The following CAB39L variants were observed in gnomAD, a reference collection of about 807,000 sequenced individuals.
CAB39L encodes calcium binding protein 39 like, also known as calcium-binding protein 39-like.
A neutral mutation model predicts 39.1 loss-of-function variants in CAB39L; 23 were observed. The ratio of observed to expected loss-of-function variants is 0.59; its 90% CI spans 0.42 to 0.83. The LOEUF (loss-of-function observed/expected upper bound fraction) is 0.83, where lower values mean the gene tolerates loss of function less well. Ranked by LOEUF, CAB39L falls within the 40% of genes least tolerant of loss-of-function variation. The probability of loss-of-function intolerance (pLI) is 0.00; values close to 1 mark genes in which losing one functional copy is unlikely to be tolerated. For synonymous variants in CAB39L, 126 were observed against 137.2 expected, an observed-to-expected ratio of 0.92 and a Z score of 0.57; for missense variants, 366 against 391.9, an observed-to-expected ratio of 0.93 and a Z score of 0.56.
chr13:49,409,289 T>C (rs1257117910), intron 3 of CAB39L, among the ~76,000 whole-genome samples: 2 of 152,018 alleles, frequency 1.3e-5, no homozygotes, highest in African/African-American at 4.8e-5. Context: ...GTATGGGAGA[T>C]TGGAGACTTA....
At chr13:49,443,200 A>G (rs754198720) in intron 1 of CAB39L, among the ~76,000 whole-genome samples, 6 of 152,032 alleles carry the variant, frequency 3.9e-5, no homozygotes, top group Non-Finnish European at 7.4e-5. Context: ...CTCCTGCTCC[A>G]TGAAGTGACC....
intron 3 of CAB39L, among the ~76,000 whole-genome samples, chr13:49,400,153 G>A (rs147813039): frequency 6.6e-6 from 1 of 152,142 alleles, no homozygotes; most frequent in Non-Finnish European, 1.5e-5. Flanking sequence ...GGATTCACTT[G>A]AATCAATAAC....
chr13:49,362,172 A>C (rs1189221034), intron 5 of CAB39L, among the ~76,000 whole-genome samples: 2 of 152,178 alleles, frequency 1.3e-5, no homozygotes, highest in Non-Finnish European at 1.5e-5. Flanking sequence ...CCTAGATCTC[A>C]CTGTCCTGTC....
intron 5 of CAB39L, among the ~76,000 whole-genome samples, chr13:49,372,968 G>A (rs1013475410): frequency 6.6e-6 from 1 of 152,122 alleles, no homozygotes; most frequent in Non-Finnish European, 1.5e-5. Flanking sequence ...CCACTGCGCC[G>A]GCCTCAACAT....
intron 6 of CAB39L, among the ~76,000 whole-genome samples, chr13:49,352,002 G>T (rs2138472348): frequency 6.6e-6 from 1 of 152,190 alleles, no homozygotes; most frequent in Admixed American, 6.5e-5. Context: ...AAGTAGAAAG[G>T]TCTCCTTGGC....
chr13:49,443,928 T>C, intron 1 of CAB39L, 58 bp downstream of exon 1: 1 of 456,720 alleles, frequency 2.2e-6, no homozygotes, highest in South Asian at 1.5e-5. Flanking sequence ...CTATGTATGT[T>C]TTCAACCCCC....
At chr13:49,427,647 T>A (rs944872986) in intron 3 of CAB39L, among the ~76,000 whole-genome samples, 1 of 152,042 alleles carries the variant, frequency 6.6e-6, no homozygotes, top group African/African-American at 2.4e-5. Context: ...TGTGATAGCA[T>A]CACTGCACTC....
intron 3 of CAB39L, among the ~76,000 whole-genome samples, chr13:49,385,995 C>A (rs1956350637): frequency 6.6e-6 from 1 of 152,100 alleles, no homozygotes; most frequent in South Asian, 2.1e-4. Context: ...CATAAACCTT[C>A]AATTTTTCAA....
At chr13:49,442,916 G>C (rs1957565463) in intron 1 of CAB39L, among the ~76,000 whole-genome samples, 1 of 150,222 alleles carries the variant, frequency 6.7e-6, no homozygotes, top group Non-Finnish European at 1.5e-5. Flanking sequence ...AGTTAATCTT[G>C]AATAACTGAA....
intron 3 of CAB39L, among the ~76,000 whole-genome samples, chr13:49,385,324 G>A (rs1956334789): frequency 6.6e-6 from 1 of 152,184 alleles, no homozygotes; most frequent in Non-Finnish European, 1.5e-5. Context: ...TCACAGAACT[G>A]AAGAAAGCTG....
intron 6 of CAB39L, among the ~76,000 whole-genome samples, chr13:49,355,764 AAT>A (rs111906102): frequency 3.6e-4 from 54 of 150,832 alleles, no homozygotes; most frequent in African/African-American, 1.3e-3. Flanking sequence ...TACATATATA[AAT>A]ATATATATAT....
At chr13:49,432,638 T>C (rs2138735743) in intron 3 of CAB39L, among the ~76,000 whole-genome samples, 1 of 152,344 alleles carries the variant, frequency 6.6e-6, no homozygotes, top group South Asian at 2.1e-4. Flanking sequence ...GCATTGATCG[T>C]ACATTCCTCC....
At chr13:49,320,452 T>C (rs143410121) in intron 10 of CAB39L, among the ~76,000 whole-genome samples, 1 of 152,340 alleles carries the variant, frequency 6.6e-6, no homozygotes, top group African/African-American at 2.4e-5. Flanking sequence ...ACAACTCAAA[T>C]ATTTTTAGTT....
intron 5 of CAB39L, among the ~76,000 whole-genome samples, chr13:49,375,490 G>GT (rs1956031313): frequency 6.6e-6 from 1 of 152,100 alleles, no homozygotes; most frequent in Non-Finnish European, 1.5e-5. Flanking sequence ...GAGAGGGAGA[G>GT]TAAGCAAGCC....
At position 49,310,991 on chromosome 13, in the gene CAB39L, C is replaced by T; in HGVS notation, c.837G>A (p.Val279=). The T allele has an allele frequency of 6.2e-7, 1 of 1,612,364 alleles. No individual in the cohort carries two copies. The highest frequency in any genetic ancestry group is 8.5e-7 in the Non-Finnish European group (1 of 1,178,974). Residue 279 remains valine, a splice_region_variant and synonymous_variant, in exon 11 of 11, where the codon GTG becomes GTA. Transcript: ENST00000409308. The stretch of plus-strand genomic sequence containing the variant: ...GTGTTTTGTGAGGACTGGCCACAAA[C>T]ACCTGAAACAAAAAGAAACAAATAC... ...IQFEAFHVFK[V]FVASPHKTQP... is the part of the protein sequence containing the mutation.
intron 4 of CAB39L, chr13:49,382,509 C>T (rs1956270208): frequency 1.6e-5 from 3 of 183,906 alleles, no homozygotes; most frequent in Admixed American, 1.2e-4. Flanking sequence ...AAACTTTTTA[C>T]CTTTCATGTA....
At position 49,310,383 on chromosome 13, in the gene CAB39L, T is replaced by C. The variant is rs1487404353; in HGVS notation, c.*431A>G. The stretch of plus-strand genomic sequence containing the variant: ...AACATTAACGTTACCTTCTGGGATC[T>C]CTCAGTGCCCTGAGCGATCTGTGTG... On this transcript the variant is annotated 3_prime_UTR_variant, in exon 11 of 11. Coordinates refer to ENST00000409308, the MANE Select transcript of CAB39L (RefSeq NM_001079670.3). 1 of 158,612 alleles carries C rather than the reference T, an allele frequency of 6.3e-6. No individual in the cohort carries two copies. The highest frequency in any genetic ancestry group is 1.4e-5 in the Non-Finnish European group (1 of 71,950). The allele number at this position is 158,612 out of a possible 1,614,324, so 9.8% of individuals were successfully genotyped here.
At chr13:49,341,067 A>T (rs1263602216) in intron 8 of CAB39L, among the ~76,000 whole-genome samples, 1 of 152,198 alleles carries the variant, frequency 6.6e-6, no homozygotes, top group Non-Finnish European at 1.5e-5. Context: ...TATAGGAAAA[A>T]ATAGTAATTA....
chr13:49,319,544 TACACTA>T (rs1954287276), intron 10 of CAB39L, among the ~76,000 whole-genome samples: 1 of 151,682 alleles, frequency 6.6e-6, no homozygotes, highest in Non-Finnish European at 1.5e-5. Flanking sequence ...ACATCGTAAA[TACACTA>T]ACTGTTACTG....
Sources: gnomAD v4.1 joint callset for allele counts (sites outside exome capture counted in the v4.1 genomes callset) on GRCh38, gnomAD v4.1.1 for gene constraint, MANE v1.5 for transcripts, NCBI Gene and HGNC (gene_info 2026-07-23, HGNC 2026-07-21) for gene names.